ERBB4: variants seen among roughly 807,000 people sequenced by gnomAD.
The protein encoded by ERBB4 is receptor tyrosine-protein kinase erbB-4.
A neutral mutation model predicts 158.0 loss-of-function variants in ERBB4; 42 were observed. The ratio of observed to expected loss-of-function variants is 0.27; its 90% CI spans 0.21 to 0.34. The LOEUF (loss-of-function observed/expected upper bound fraction) is 0.34, where lower values mean the gene tolerates loss of function less well. Ranked by LOEUF, ERBB4 falls within the 10% of genes least tolerant of loss-of-function variation. The pLI, the probability that ERBB4 is intolerant of heterozygous loss-of-function variation, is 1.00. For synonymous variants in ERBB4, 583 were observed against 558.7 expected, an observed-to-expected ratio of 1.04 and a Z score of -0.61; for missense variants, 1,333 against 1,624.1, an observed-to-expected ratio of 0.82 and a Z score of 3.08.
chr2:212,332,306 C>T (rs2088216314), intron 1 of ERBB4, among the ~76,000 whole-genome samples: 1 of 152,082 alleles, frequency 6.6e-6, no homozygotes, highest in African/African-American at 2.4e-5. Context: ...CTTTTGCCTT[C>T]TGCCATGGTT....
intron 1 of ERBB4, among the ~76,000 whole-genome samples, chr2:212,533,684 G>T (rs184283724): frequency 2.1e-4 from 32 of 152,236 alleles, no homozygotes; most frequent in Admixed American, 2.1e-3. Context: ...AACTCTGACT[G>T]CCAATATTTA....
intron 1 of ERBB4, among the ~76,000 whole-genome samples, chr2:212,189,438 A>G (rs1457224641): frequency 6.6e-6 from 1 of 152,102 alleles, no homozygotes; most frequent in African/African-American, 2.4e-5. Context: ...TCTTTTCTTC[A>G]TTATTAGAAA....
At chr2:212,150,897 G>C (rs951662935) in intron 1 of ERBB4, among the ~76,000 whole-genome samples, 2 of 152,044 alleles carry the variant, frequency 1.3e-5, no homozygotes, top group Non-Finnish European at 2.9e-5. Context: ...TTCATAGCAG[G>C]TTGCTCAAGA....
intron 20 of ERBB4, among the ~76,000 whole-genome samples, chr2:211,529,124 G>A (rs1201446309): frequency 1.3e-5 from 2 of 148,912 alleles, no homozygotes; most frequent in African/African-American, 4.9e-5. Flanking sequence ...TAATAAAAAA[G>A]AGAGGAGACC....
chr2:211,479,693 C>T (rs2065036169), intron 20 of ERBB4, among the ~76,000 whole-genome samples: 2 of 152,162 alleles, frequency 1.3e-5, no homozygotes, highest in South Asian at 4.1e-4. Flanking sequence ...TTGGTTTTCA[C>T]TTTGCATGTA....
At chr2:212,417,522 T>C (rs73062337) in intron 1 of ERBB4, among the ~76,000 whole-genome samples, 7,371 of 152,058 alleles carry the variant, frequency 0.048, 373 homozygotes, top group African/African-American at 0.13. Context: ...CCACTAAAAT[T>C]GTCTACTGAC....
At chr2:211,425,107 T>C (rs1475874826) in intron 22 of ERBB4, among the ~76,000 whole-genome samples, 3 of 152,122 alleles carry the variant, frequency 2.0e-5, no homozygotes, top group Non-Finnish European at 2.9e-5. Flanking sequence ...GTAATGATTA[T>C]ATAATTTAAG....
intron 20 of ERBB4, among the ~76,000 whole-genome samples, chr2:211,513,357 C>CAAAAAAAAAAAAAAAAAAAAAAA (rs61042785): frequency 7.7e-5 from 3 of 39,200 alleles, no homozygotes; most frequent in African/African-American, 2.0e-4. Flanking sequence ...GACTCCGTCT[C>CAAAAAAAAAAAAAAAAAAAAAAA]AAAAAAAAAA....
chr2:211,516,703 G>A lies in ERBB4; in HGVS notation c.2487+45200C>T, dbSNP rs76109600. 8.6e-3 allele frequency among the ~76,000 whole-genome samples: 1,306 copies of A among 152,152 alleles called. 19 individuals carry two copies. The highest frequency in any genetic ancestry group is 0.029 in the African/African-American group (1,217 of 41,504). On this transcript the variant is annotated intron_variant, in intron 20 of 27. Transcript: ENST00000342788. Reference sequence around the variant, plus strand: ...TAAGAGGAATTGAAACTAAATAAGGGTGAAAGGAGTCTTTCTCACGCTGCA... The same window carrying A: ...TAAGAGGAATTGAAACTAAATAAGGATGAAAGGAGTCTTTCTCACGCTGCA...
intron 19 of ERBB4, among the ~76,000 whole-genome samples, chr2:211,605,366 A>T (rs1343530571): frequency 6.6e-6 from 1 of 152,130 alleles, no homozygotes; most frequent in African/African-American, 2.4e-5. Context: ...ATGCTTGGAG[A>T]TGAGGGTCTC....
chr2:212,303,404 T>C (rs771493493), intron 1 of ERBB4, among the ~76,000 whole-genome samples: 11 of 151,368 alleles, frequency 7.3e-5, no homozygotes, highest in Non-Finnish European at 1.5e-4. Flanking sequence ...CATTTATTAC[T>C]TTCTAACAGA....
At chr2:211,685,818 A>T (rs1559417538) in intron 12 of ERBB4, among the ~76,000 whole-genome samples, 1 of 152,296 alleles carries the variant, frequency 6.6e-6, no homozygotes, top group East Asian at 1.9e-4. Flanking sequence ...TGTAGTTTTC[A>T]GCATACAAGT....
Position 211,713,518 on chromosome 2 carries a change from T to G in ERBB4, c.997+17A>C. ...TATAGGCCCAGTTCTAACTAAATAA[T>G]CTGAGCTACCACTCACCTTTTGGGC... is the stretch of plus-strand genomic sequence containing the variant. On this transcript the variant is annotated intron_variant, in intron 8 of 27. Coordinates refer to ENST00000342788, the MANE Select transcript of ERBB4 (RefSeq NM_005235.3). 1.4e-6 allele frequency: 2 copies of G among 1,444,686 alleles called. 1 individual carries two copies. Among genetic ancestry groups the G allele is most frequent in the Middle Eastern group, 3.5e-4 (2 of 5,742 alleles). The allele number at this position is 1,444,686 out of a possible 1,614,324, so 89.5% of individuals were successfully genotyped here.
At chr2:211,568,877 A>AT (rs1307838180) in intron 19 of ERBB4, among the ~76,000 whole-genome samples, 2 of 152,124 alleles carry the variant, frequency 1.3e-5, no homozygotes, top group Non-Finnish European at 2.9e-5. Flanking sequence ...GTCCATAATA[A>AT]TTTTTTTACT....
chr2:211,421,887 T>G, intron 24 of ERBB4, 120 bp downstream of exon 24: 2 of 723,584 alleles, frequency 2.8e-6, no homozygotes, highest in Non-Finnish European at 5.0e-6. Flanking sequence ...ACATGATAAT[T>G]CTGCTTAATT....
chr2:211,856,263 G>A (rs1003855756), intron 3 of ERBB4, among the ~76,000 whole-genome samples: 1 of 152,046 alleles, frequency 6.6e-6, no homozygotes, highest in Non-Finnish European at 1.5e-5. Flanking sequence ...CTCAGATAAT[G>A]CCCTTTCTGA....
At chr2:211,811,200 A>G (rs1332130484) in intron 3 of ERBB4, among the ~76,000 whole-genome samples, 3 of 151,936 alleles carry the variant, frequency 2.0e-5, no homozygotes, top group African/African-American at 7.3e-5. Flanking sequence ...CTCTTGTAAG[A>G]CAGGCCTGGT....
chr2:211,735,450 A>T (rs1333876128), intron 5 of ERBB4, among the ~76,000 whole-genome samples: 1 of 152,222 alleles, frequency 6.6e-6, no homozygotes, highest in Non-Finnish European at 1.5e-5. Context: ...TGTAAAAATC[A>T]AAAGGACTAA....
At chr2:212,172,203 C>T (rs1472965146) in intron 1 of ERBB4, among the ~76,000 whole-genome samples, 1 of 152,142 alleles carries the variant, frequency 6.6e-6, no homozygotes, top group Admixed American at 6.5e-5. Context: ...CAAGTCAAAA[C>T]TGTAATGAGA....
Sources: gnomAD v4.1 joint callset for allele counts (sites outside exome capture counted in the v4.1 genomes callset) on GRCh38, gnomAD v4.1.1 for gene constraint, MANE v1.5 for transcripts, NCBI Gene and HGNC (gene_info 2026-07-23, HGNC 2026-07-21) for gene names.